Variants in CSMD1 observed in about 807,000 individuals in gnomAD.
CSMD1 encodes CUB and Sushi multiple domains 1, also known as CUB and sushi domain-containing protein 1.
CSMD1 carries 213 observed loss-of-function variants against 417.5 expected under a neutral mutation model. That is an observed-to-expected ratio of 0.51 (90% CI 0.46 to 0.57). The LOEUF (loss-of-function observed/expected upper bound fraction) is 0.57. Among genes scored for constraint, CSMD1 ranks in the 20% least tolerant of loss-of-function variants. The pLI is 0.00. For missense variants in CSMD1, 6,923 were observed against 4,529.7 expected (o/e 1.53, Z -15.17); for synonymous variants, 2,862 against 1,736.8 (o/e 1.65, Z -16.11).
intron 1 of CSMD1, among the ~76,000 whole-genome samples, chr8:4,843,015 G>C (rs530506327): frequency 4.7e-4 from 71 of 152,220 alleles, no homozygotes; most frequent in African/African-American, 1.7e-3. Context: ...GCTACTCCAG[G>C]ACTCTAACAT....
intron 1 of CSMD1, among the ~76,000 whole-genome samples, chr8:4,980,244 G>A (rs1810812448): frequency 6.6e-6 from 1 of 152,172 alleles, no homozygotes; most frequent in African/African-American, 2.4e-5. Context: ...AGCTGCCTGG[G>A]TAATCTTAAG....
At chr8:3,125,575 A>C (rs528763313) in intron 41 of CSMD1, among the ~76,000 whole-genome samples, 1 of 152,388 alleles carries the variant, frequency 6.6e-6, no homozygotes, top group African/African-American at 2.4e-5. Context: ...ATTCTGATTC[A>C]GCTGAAGGTC....
intron 3 of CSMD1, among the ~76,000 whole-genome samples, chr8:4,141,020 T>C (rs1248044948): frequency 1.3e-5 from 2 of 151,370 alleles, no homozygotes; most frequent in South Asian, 2.1e-4. Context: ...TAATATTCCT[T>C]ACAAACATTG....
intron 5 of CSMD1, among the ~76,000 whole-genome samples, chr8:3,844,060 C>G (rs1239514252): frequency 6.6e-6 from 1 of 152,146 alleles, no homozygotes; most frequent in Non-Finnish European, 1.5e-5. Context: ...AATTAAATTT[C>G]CATCCCACTC....
intron 1 of CSMD1, among the ~76,000 whole-genome samples, chr8:4,897,747 T>A (rs1044631171): frequency 2.6e-5 from 4 of 152,118 alleles, no homozygotes; most frequent in Non-Finnish European, 5.9e-5. Context: ...ACTCATCAAC[T>A]GTTACTGCAT....
chr8:4,129,242 A>C (rs1470741205), intron 3 of CSMD1, among the ~76,000 whole-genome samples: 1 of 152,116 alleles, frequency 6.6e-6, no homozygotes, highest in Non-Finnish European at 1.5e-5. Context: ...TCCTCTTCTG[A>C]GGATGTCTCC....
intron 1 of CSMD1, among the ~76,000 whole-genome samples, chr8:4,948,721 G>A (rs995745505): frequency 2.0e-5 from 3 of 151,902 alleles, no homozygotes; most frequent in Non-Finnish European, 2.9e-5. Context: ...TTCTATGTAG[G>A]CATCTGTACC....
intron 68 of CSMD1, among the ~76,000 whole-genome samples, chr8:2,946,119 C>T (rs1229530305): frequency 6.6e-6 from 1 of 152,176 alleles, no homozygotes; most frequent in Non-Finnish European, 1.5e-5. Flanking sequence ...TGCACTATGA[C>T]ATTATGGCAG....
intron 26 of CSMD1, among the ~76,000 whole-genome samples, chr8:3,238,376 A>G (rs183010903): frequency 4.6e-4 from 70 of 152,250 alleles, no homozygotes; most frequent in Middle Eastern, 6.8e-3. Flanking sequence ...AGGGGATATG[A>G]TGGCTTAGTT....
chr8:3,407,081 A>AGAAAGATGAATGGAGGGATGGATG (rs1812388879), intron 14 of CSMD1, among the ~76,000 whole-genome samples: 6 of 152,088 alleles, frequency 3.9e-5, no homozygotes, highest in Non-Finnish European at 8.8e-5. Context: ...AGGGATGGAA[A>AGAAAGATGAATGGAGGGATGGATG]GAAAGATGAA....
intron 10 of CSMD1, among the ~76,000 whole-genome samples, chr8:3,544,795 T>C (rs1015870026): frequency 1.4e-4 from 21 of 152,214 alleles, no homozygotes; most frequent in Non-Finnish European, 1.5e-5. Context: ...TTTTCTCTAA[T>C]GAGAAAAGAT....
At chr8:4,907,620 C>G (rs934482545) in intron 1 of CSMD1, among the ~76,000 whole-genome samples, 3 of 152,040 alleles carry the variant, frequency 2.0e-5, no homozygotes, top group Non-Finnish European at 4.4e-5. Context: ...AGTGCAGTGG[C>G]AAAAACATGG....
At chr8:4,451,965 T>G (rs946264311) in intron 2 of CSMD1, among the ~76,000 whole-genome samples, 1 of 148,852 alleles carries the variant, frequency 6.7e-6, no homozygotes, top group African/African-American at 2.4e-5. Context: ...TATAAATATA[T>G]ATAATTTGAT....
In CSMD1 at chr8:3,070,142, G is replaced by A. The variant is rs371034905; in HGVS notation, c.7474+16955C>T. Reference sequence around the variant, plus strand: ...CCCACAAAATCATCTTCTCCTCCCAGGATTCTAGGTCTCTGATGGGAGGGT... The same window carrying A: ...CCCACAAAATCATCTTCTCCTCCCAAGATTCTAGGTCTCTGATGGGAGGGT... On this transcript the variant is annotated intron_variant, in intron 49 of 69. Transcript: ENST00000635120. Among the ~76,000 whole-genome samples the A allele has an allele frequency of 1.3e-3, 198 of 152,262 alleles. 1 individual carries two copies. Among genetic ancestry groups the A allele is most frequent in the African/African-American group, 4.5e-3 (186 of 41,552 alleles).
In CSMD1 at chr8:3,308,401, T is replaced by C; in HGVS notation, c.3734A>G (p.Asn1245Ser). The C allele has an allele frequency of 6.2e-7, 1 of 1,611,492 alleles. No homozygotes were observed. The highest frequency in any genetic ancestry group is 8.5e-7 in the Non-Finnish European group (1 of 1,177,684). The change falls in exon 24 of 70, where the codon AAC becomes AGC. Residue 1245 changes from asparagine to serine, a missense_variant. Transcript: ENST00000635120. Reference sequence around the variant, plus strand: ...GCTGCCATGCATGGCGTACCCCGGGTTGCAACTGTACAGAACTACAGTGTC... The same window carrying C: ...GCTGCCATGCATGGCGTACCCCGGGCTGCAACTGTACAGAACTACAGTGTC... ...FTDTVVLYSCNPGYAMHGSNT... is the reference protein window; with the variant it reads ...FTDTVVLYSCSPGYAMHGSNT...
intron 3 of CSMD1, among the ~76,000 whole-genome samples, chr8:4,183,171 T>C (rs1291309935): frequency 6.6e-6 from 1 of 152,144 alleles, no homozygotes; most frequent in African/African-American, 2.4e-5. Flanking sequence ...AAGTGCAGTA[T>C]AGCCCTAGGA....
chr8:4,515,593 A>T (rs1277275628), intron 2 of CSMD1, among the ~76,000 whole-genome samples: 1 of 152,228 alleles, frequency 6.6e-6, no homozygotes, highest in Non-Finnish European at 1.5e-5. Context: ...CTTGCCTTAC[A>T]TGAGACATCT....
intron 2 of CSMD1, among the ~76,000 whole-genome samples, chr8:4,548,673 T>C (rs1797735516): frequency 6.6e-6 from 1 of 152,220 alleles, no homozygotes; most frequent in Non-Finnish European, 1.5e-5. Flanking sequence ...GTGTTTGATT[T>C]TCCATCTACC....
At chr8:4,254,011 G>C (rs1018113744) in intron 3 of CSMD1, among the ~76,000 whole-genome samples, 1 of 146,012 alleles carries the variant, frequency 6.8e-6, no homozygotes, top group Non-Finnish European at 1.5e-5. Flanking sequence ...CTGCCTCCAG[G>C]GTTCATGCCA....
Sources: gnomAD v4.1 joint callset for allele counts (sites outside exome capture counted in the v4.1 genomes callset) on GRCh38, gnomAD v4.1.1 for gene constraint, MANE v1.5 for transcripts, NCBI Gene and HGNC (gene_info 2026-07-23, HGNC 2026-07-21) for gene names.